PSMB5: variants seen among roughly 807,000 people sequenced by gnomAD.
The protein encoded by PSMB5 is proteasome subunit beta type-5.
In PSMB5, 2 loss-of-function variants were observed where a neutral mutation model predicts 22.8. The observed-to-expected ratio is 0.09, with a 90% CI of 0.04 to 0.28. PSMB5 has a LOEUF of 0.28. Among genes scored for constraint, PSMB5 ranks in the 10% least tolerant of loss-of-function variants. PSMB5 has a pLI of 1.00. For missense variants in PSMB5, 269 were observed against 343.8 expected (o/e 0.78, Z 1.72); for synonymous variants, 133 against 135.3 (o/e 0.98, Z 0.12).
upstream of PSMB5, chr14:23,034,983 G>T (rs769950768): frequency 1.4e-6 from 2 of 1,455,972 alleles, no homozygotes; most frequent in Non-Finnish European, 1.8e-6. Context: ...ATCTATTCCG[G>T]AATGGAGCCA....
chr14:23,029,845 G>A (rs553542170), intron 2 of PSMB5, among the ~76,000 whole-genome samples: 260 of 150,914 alleles, frequency 1.7e-3, no homozygotes, highest in Admixed American at 4.0e-3. Context: ...GCAGTGGCAC[G>A]ATCTCAGCTC....
chr14:23,026,104 A>T lies in PSMB5; in HGVS notation c.777T>A (p.Ser259Arg). 6.2e-7 allele frequency: 1 copy of T among 1,614,166 alleles called. No individual in the cohort carries two copies. Among genetic ancestry groups the T allele is most frequent in the Non-Finnish European group, 8.5e-7 (1 of 1,180,024 alleles). Residue 259 changes from serine (S) to arginine (R), a missense_variant, in exon 3 of 3, where the codon AGT becomes AGA. By Grantham distance (110) the Ser-to-Arg change is moderately radical. Coordinates refer to ENST00000361611, the MANE Select transcript of PSMB5 (RefSeq NM_002797.5). ...DNVADLHEKYSGSTP is the reference protein window; with the variant it reads ...DNVADLHEKYRGSTP ...CCACCCTCTTTCAGGGGGTAGAGCC[A>T]CTATACTTCTCATGTAGATCAGCCA...
At chr14:23,032,426 C>T (rs541803714) in intron 2 of PSMB5, among the ~76,000 whole-genome samples, 6 of 151,774 alleles carry the variant, frequency 4.0e-5, no homozygotes, top group Non-Finnish European at 5.9e-5. Flanking sequence ...ACTGGACGAT[C>T]GGAGTGAAAC....
intron 2 of PSMB5, chr14:23,027,834 G>C: frequency 6.5e-7 from 1 of 1,542,112 alleles, no homozygotes; most frequent in Non-Finnish European, 8.8e-7. Context: ...CAGACACTGT[G>C]AAAGATAACA....
intron 2 of PSMB5, among the ~76,000 whole-genome samples, chr14:23,031,375 TCC>T (rs2046951562): frequency 4.6e-5 from 7 of 152,238 alleles, no homozygotes; most frequent in Non-Finnish European, 1.0e-4. Flanking sequence ...CTCTCTCACA[TCC>T]GGTTTTTAAT....
intron 2 of PSMB5, among the ~76,000 whole-genome samples, chr14:23,028,700 G>A (rs1478862949): frequency 6.6e-6 from 1 of 152,208 alleles, no homozygotes; most frequent in Non-Finnish European, 1.5e-5. Context: ...AACACCGGCA[G>A]AGTTAAGTAT....
upstream of PSMB5, chr14:23,035,190 C>T (rs2046983223): frequency 2.9e-6 from 1 of 348,846 alleles, no homozygotes; most frequent in East Asian, 7.0e-5. Context: ...TGAAAACGTC[C>T]ATGTTGCGTA....
chr14:23,033,224 G>GAAA, intron 2 of PSMB5, 144 bp downstream of exon 2: 2 of 713,968 alleles, frequency 2.8e-6, no homozygotes, highest in South Asian at 4.5e-5. Flanking sequence ...AAAAAAACAG[G>GAAA]AAAAAAAAAA....
rs11543947 is a variant in PSMB5, at chr14:23,034,812, G to A, written c.70C>T (p.Arg24Cys). The A allele has an allele frequency of 0.072, 116,810 of 1,614,152 alleles. 4,511 individuals are homozygous for A. The highest frequency in any genetic ancestry group is 0.097 in the Middle Eastern group (587 of 6,062). The change falls in exon 1 of 3, where the codon CGT becomes TGT. Residue 24 changes from arginine (R) to cysteine (C), a missense_variant. Around this residue, in one of 3 missense-constraint regions of PSMB5, gnomAD observed 81 missense variants for 70.4 expected, o/e 1.15. Transcript: ENST00000361611. ...NQRGFFGLGG[R>C]ADLLDLGPGS... ...GGACCTAGATCCAGCAGATCTGCAC[G>A]ACCCCCAAGTCCGAAAAACCCGCGC...
intron 2 of PSMB5, 82 bp from the exon 3 acceptor site, chr14:23,026,457 C>CT (rs929613167): frequency 2.5e-4 from 368 of 1,501,120 alleles, no homozygotes; most frequent in Middle Eastern, 3.9e-4. Flanking sequence ...GGCAGTAGTT[C>CT]TTTTTTTTTG....
At chr14:23,033,322 C>G in intron 2 of PSMB5, 46 bp downstream of exon 2, 1 of 1,573,876 alleles carries the variant, frequency 6.4e-7, no homozygotes, top group Non-Finnish European at 8.7e-7. Context: ...AACCCCTCCT[C>G]ACTGTAGTGT....
chr14:23,034,852 C>T lies in PSMB5; in HGVS notation c.30G>A (p.Pro10=), dbSNP rs2046980293. 3 of 1,614,220 alleles carry T rather than the reference C, an allele frequency of 1.9e-6. No individual in the cohort carries two copies. Among genetic ancestry groups the T allele is most frequent in the South Asian group, 1.1e-5 (1 of 91,084 alleles). The change falls in exon 1 of 3, where the codon CCG becomes CCA. Residue 10 remains proline, a synonymous_variant. Coordinates refer to ENST00000361611, the MANE Select transcript of PSMB5 (RefSeq NM_002797.5). MALASVLER[P]LPVNQRGFFG... is the part of the protein sequence containing the mutation. ...AAAACCCGCGCTGGTTCACCGGTAG[C>T]GGTCTCTCCAACACGCTGGCAAGCG...
chr14:23,027,394 AT>A (rs201232660), intron 2 of PSMB5, among the ~76,000 whole-genome samples: 6,988 of 138,126 alleles, frequency 0.051, 502 homozygotes, highest in African/African-American at 0.17. Flanking sequence ...AAAAAAAAAA[AT>A]AATAATAATA....
At chr14:23,027,623 G>A in intron 2 of PSMB5, 1 of 624,714 alleles carries the variant, frequency 1.6e-6, no homozygotes, top group Non-Finnish European at 2.7e-6. Context: ...ACTCCAGCTT[G>A]GGCAACAGAC....
intron 1 of PSMB5, 38 bp downstream of exon 1, chr14:23,034,646 G>A (rs370277948): frequency 4.4e-6 from 7 of 1,606,264 alleles, no homozygotes; most frequent in Non-Finnish European, 5.1e-6. Context: ...AGTCGCGGGC[G>A]TTCAGTACTC....
chr14:23,026,555 T>G (rs1284668568), intron 2 of PSMB5, among the ~76,000 whole-genome samples, 180 bp from the exon 3 acceptor site: 3 of 151,876 alleles, frequency 2.0e-5, no homozygotes, highest in Admixed American at 6.6e-5. Flanking sequence ...GTTAAAGTGA[T>G]TCTCCTGCCT....
intron 2 of PSMB5, 45 bp from the exon 3 acceptor site, chr14:23,026,420 C>T (rs778174415): frequency 6.3e-7 from 1 of 1,576,904 alleles, no homozygotes; most frequent in East Asian, 2.2e-5. Context: ...AAAGATCACC[C>T]CTTTTGATAT....
At position 23,033,660 on chromosome 14, in the gene PSMB5, G is replaced by A. The variant is rs551716282; in HGVS notation, c.213C>T (p.Val71=). The A allele has an allele frequency of 1.9e-6, 3 of 1,608,368 alleles. No individual in the cohort carries two copies. The highest frequency in any genetic ancestry group is 1.1e-5 in the South Asian group (1 of 90,958). ...TTLAFKFRHG[V]IVAADSRATA... The stretch of plus-strand genomic sequence containing the variant: ...TAGCCCTGGAGTCAGCTGCAACTAT[G>A]ACTCCATGGCGGAACTGTTAAGATC... Residue 71 remains valine, a synonymous_variant, in exon 2 of 3, where the codon GTC becomes GTT. Transcript: ENST00000361611.
At chr14:23,035,214 C>T, upstream of PSMB5, 1 of 285,932 alleles carries the variant, frequency 3.5e-6, no homozygotes, top group South Asian at 3.9e-5. Context: ...GAAGTGAGGT[C>T]GGCCATCTTT....
Sources: gnomAD v4.1 joint callset for allele counts (sites outside exome capture counted in the v4.1 genomes callset) on GRCh38, gnomAD v4.1.1 for gene constraint, gnomAD v4.1.1 regional missense constraint, MANE v1.5 for transcripts, NCBI Gene and HGNC (gene_info 2026-07-23, HGNC 2026-07-21) for gene names.